The following FOXP1 variants were observed in gnomAD, a reference collection of about 807,000 sequenced individuals.
FOXP1 encodes the protein forkhead box P1.
Under a neutral mutation model 98.2 loss-of-function variants are expected in FOXP1, and 15 were observed. The observed-to-expected ratio is 0.15, with a 90% CI of 0.10 to 0.24. The LOEUF (loss-of-function observed/expected upper bound fraction) is 0.24, where lower values mean the gene tolerates loss of function less well. Ranked by LOEUF, FOXP1 falls within the 10% of genes least tolerant of loss-of-function variation. The pLI is 1.00. For synonymous variants in FOXP1, 371 were observed against 314.5 expected (o/e 1.18, Z -1.90); for missense variants, 633 against 848.5 (o/e 0.75, Z 3.15).
intron 18 of FOXP1, chr3:70,972,042 G>A (rs2036376837): frequency 1.4e-6 from 2 of 1,479,524 alleles, no homozygotes; most frequent in East Asian, 2.5e-5. Flanking sequence ...TTTTCATCGG[G>A]GCAGTATTTG....
In FOXP1 at chr3:70,958,631, GA is replaced by G. The variant is rs369074999; in HGVS notation, c.*615del. 0.24 allele frequency: 23,304 copies of G among 97,406 alleles called. 1,394 individuals carry two copies. Among genetic ancestry groups the G allele is most frequent in the East Asian group, 0.43 (4,153 of 9,562 alleles). The allele number at this position is 97,406 out of a possible 1,614,324, so 6.0% of individuals were successfully genotyped here. On this transcript the variant is annotated 3_prime_UTR_variant, in exon 21 of 21. Transcript: ENST00000649528. Reference sequence around the variant, plus strand: ...AGAACTTAAAATGGTATAGTAGAAGGAAAAAAAAAAAAAAAAAAAGCAATAC... The same window carrying G: ...AGAACTTAAAATGGTATAGTAGAAGGAAAAAAAAAAAAAAAAAAGCAATAC...
intron 3 of FOXP1, among the ~76,000 whole-genome samples, chr3:71,410,956 T>C (rs1349760948): frequency 6.6e-6 from 1 of 152,198 alleles, no homozygotes; most frequent in Admixed American, 6.5e-5. Context: ...TTCATATGTG[T>C]AGCAGACGAG....
chr3:71,353,626 T>C (rs567967163), intron 4 of FOXP1, among the ~76,000 whole-genome samples: 15 of 152,326 alleles, frequency 9.8e-5, no homozygotes, highest in African/African-American at 3.1e-4. Flanking sequence ...GTACAAGTTA[T>C]GAATTAATAA....
At chr3:71,007,199 A>T (rs903135237) in intron 12 of FOXP1, among the ~76,000 whole-genome samples, 2 of 152,206 alleles carry the variant, frequency 1.3e-5, no homozygotes, top group Non-Finnish European at 2.9e-5. Flanking sequence ...AATTCATAAA[A>T]ATATACAGCT....
At chr3:71,427,420 C>T (rs60292436) in intron 3 of FOXP1, among the ~76,000 whole-genome samples, 1,714 of 152,258 alleles carry the variant, frequency 0.011, 32 homozygotes, top group African/African-American at 0.039. Flanking sequence ...GCATGTAAAG[C>T]GTAAAGCTAG....
intron 6 of FOXP1, among the ~76,000 whole-genome samples, chr3:71,194,280 AAG>A (rs2063172555): frequency 6.6e-6 from 1 of 151,816 alleles, no homozygotes; most frequent in African/African-American, 2.4e-5. Flanking sequence ...AAAAAAAAGA[AAG>A]AAAGAAACCC....
intron 3 of FOXP1, among the ~76,000 whole-genome samples, chr3:71,474,099 C>T (rs1340608028): frequency 6.6e-6 from 1 of 151,874 alleles, no homozygotes; most frequent in African/African-American, 2.4e-5. Flanking sequence ...ATAATTGCAA[C>T]TATATATTTA....
At chr3:71,172,037 T>A (rs1399255803) in intron 6 of FOXP1, among the ~76,000 whole-genome samples, 3 of 152,220 alleles carry the variant, frequency 2.0e-5, no homozygotes. Context: ...CAACAGCAAA[T>A]ATTCCTTTGA....
intron 3 of FOXP1, among the ~76,000 whole-genome samples, chr3:71,386,206 C>A (rs2080559423): frequency 1.3e-5 from 2 of 152,186 alleles, no homozygotes; most frequent in Admixed American, 1.3e-4. Flanking sequence ...TATCTGGGCT[C>A]CTCACTACAT....
At chr3:71,015,509 G>T (rs2107739159) in intron 12 of FOXP1, 40 bp downstream of exon 12, 1 of 1,371,434 alleles carries the variant, frequency 7.3e-7, no homozygotes, top group Non-Finnish European at 1.0e-6. Context: ...GGGAGGTGTT[G>T]GCTATGTAAA....
chr3:71,403,442 T>G (rs555370430), intron 3 of FOXP1, among the ~76,000 whole-genome samples: 1 of 152,352 alleles, frequency 6.6e-6, no homozygotes, highest in South Asian at 2.1e-4. Flanking sequence ...TTTCAAGATT[T>G]GGACTGGGAT....
At chr3:71,484,227 G>C (rs13327339) in intron 3 of FOXP1, among the ~76,000 whole-genome samples, 64,606 of 152,002 alleles carry the variant, frequency 0.43, 14,536 homozygotes, top group Non-Finnish European at 0.48. Context: ...AAAGGAGACA[G>C]TACATTGATC....
intron 4 of FOXP1, among the ~76,000 whole-genome samples, chr3:71,313,502 G>A (rs2074850837): frequency 6.6e-6 from 1 of 151,928 alleles, no homozygotes; most frequent in South Asian, 2.1e-4. Flanking sequence ...CAAGGCTGAG[G>A]TTGTACAGAT....
At chr3:71,005,710 C>T (rs575566601) in intron 12 of FOXP1, among the ~76,000 whole-genome samples, 3 of 152,104 alleles carry the variant, frequency 2.0e-5, no homozygotes, top group South Asian at 2.1e-4. Flanking sequence ...AAAAAGCAGA[C>T]GTGAAGAGAT....
At chr3:71,452,988 A>G (rs79321084) in intron 3 of FOXP1, among the ~76,000 whole-genome samples, 318 of 152,266 alleles carry the variant, frequency 2.1e-3, no homozygotes, top group African/African-American at 7.3e-3. Context: ...CAGCAACAAC[A>G]GCTCCCTTTA....
intron 2 of FOXP1, among the ~76,000 whole-genome samples, chr3:71,528,074 T>G (rs1014366664): frequency 2.6e-5 from 4 of 152,232 alleles, no homozygotes; most frequent in Non-Finnish European, 5.9e-5. Context: ...TTTATTGTTT[T>G]TTTAAGAAAT....
chr3:71,389,242 G>C (rs1193745963), intron 3 of FOXP1, among the ~76,000 whole-genome samples: 3 of 60,874 alleles, frequency 4.9e-5, no homozygotes, highest in African/African-American at 1.9e-4. Context: ...AAGCGGCGGG[G>C]GGGGGGGGGG....
At chr3:71,344,647 A>T (rs905766266) in intron 4 of FOXP1, among the ~76,000 whole-genome samples, 2 of 151,798 alleles carry the variant, frequency 1.3e-5, no homozygotes, top group African/African-American at 4.8e-5. Context: ...GACCAGACTG[A>T]CCAACATGGC....
At position 70,990,803 on chromosome 3, in the gene FOXP1, A is replaced by G. The variant is rs530723596; in HGVS notation, c.1063-2726T>C. On this transcript the variant is annotated intron_variant, in intron 13 of 20. Coordinates refer to ENST00000649528, the MANE Select transcript of FOXP1 (RefSeq NM_001349338.3). Reference sequence around the variant, plus strand: ...TTTAATCTACTGAATTTGTTCAACCATTCTGTAGAACGATGGCAGGGTGAA... The same window carrying G: ...TTTAATCTACTGAATTTGTTCAACCGTTCTGTAGAACGATGGCAGGGTGAA... Among the ~76,000 whole-genome samples, 8 of 152,350 alleles carry G rather than the reference A, an allele frequency of 5.3e-5. No individual in the cohort carries two copies. In the East Asian group the frequency reaches 1.4e-3, roughly 26 times the overall value.
Sources: allele counts gnomAD v4.1 joint callset (sites outside exome capture counted in the v4.1 genomes callset), GRCh38; gene constraint gnomAD v4.1.1; transcripts MANE v1.5; gene names NCBI Gene and HGNC (gene_info 2026-07-23, HGNC 2026-07-21).